The following SLC12A9 variants were observed in gnomAD, a reference collection of about 807,000 sequenced individuals.
SLC12A9 encodes the protein solute carrier family 12 member 9.
In SLC12A9, 55 loss-of-function variants were observed where a neutral mutation model predicts 66.0. The observed-to-expected ratio is 0.83, with a 90% CI of 0.67 to 1.04. The LOEUF (loss-of-function observed/expected upper bound fraction) is 1.04. SLC12A9 is among the 50% of genes least tolerant of loss of function. The pLI is 0.00. For missense variants in SLC12A9, 1,061 were observed against 1,241.9 expected (o/e 0.85, Z 2.19); for synonymous variants, 577 against 569.0 (o/e 1.01, Z -0.20).
exon 1 of SLC12A9, chr7:100,826,874 C>T: frequency 7.4e-7 from 1 of 1,351,078 alleles, no homozygotes; most frequent in Non-Finnish European, 1.0e-6. Context: ...ACTGCAGTGC[C>T]CGGGTAGGGG....
chr7:100,843,450 T>C (rs543339459), intron 1 of SLC12A9, among the ~76,000 whole-genome samples: 13 of 152,342 alleles, frequency 8.5e-5, no homozygotes, highest in Admixed American at 5.9e-4. Flanking sequence ...GAAAAACTCA[T>C]GTCGGCCCCA....
chr7:100,847,174 C>T (rs1813937041), intron 1 of SLC12A9, among the ~76,000 whole-genome samples: 1 of 152,190 alleles, frequency 6.6e-6, no homozygotes, highest in Non-Finnish European at 1.5e-5. Context: ...GTCTGCGGCT[C>T]GTCCTGCTAC....
chr7:100,852,000 T>A (rs1458477090), upstream of SLC12A9, among the ~76,000 whole-genome samples: 2 of 152,172 alleles, frequency 1.3e-5, no homozygotes, highest in Admixed American at 6.5e-5. Flanking sequence ...GGTTCGAGTT[T>A]ATGCCCATTT....
At chr7:100,835,466 A>G (rs1813634432) in intron 1 of SLC12A9, among the ~76,000 whole-genome samples, 1 of 151,672 alleles carries the variant, frequency 6.6e-6, no homozygotes, top group Admixed American at 6.6e-5. Flanking sequence ...CCTGGCCAAC[A>G]TGGTGAAACC....
At chr7:100,829,505 G>A (rs867988493) in intron 1 of SLC12A9, among the ~76,000 whole-genome samples, 5 of 151,768 alleles carry the variant, frequency 3.3e-5, no homozygotes, top group African/African-American at 9.7e-5. Context: ...TGGGTCCTGC[G>A]CCCGGGTTGG....
At position 100,861,867 on chromosome 7, in the gene SLC12A9, AGGG is replaced by A; in HGVS notation, c.1672_1674del (p.Gly558del). On this transcript the variant is annotated inframe_deletion, in exon 12 of 14. Transcript: ENST00000354161. The surrounding 1 kb of genome is among the most constrained non-coding windows in gnomAD (Gnocchi z 5.3). ...CTGCGGTTGGCCAACCAGCTTAAGA[AGGG>A]GGGGCTGTATGTGCTGGGCCACGTC... The A allele has an allele frequency of 6.2e-7, 1 of 1,613,132 alleles. No homozygotes were observed. The highest frequency in any genetic ancestry group is 8.5e-7 in the Non-Finnish European group (1 of 1,179,722).
chr7:100,857,062 G>T lies in SLC12A9; in HGVS notation c.643G>T (p.Gly215Trp), dbSNP rs775068338. Residue 215 changes from glycine to tryptophan, a missense_variant, in exon 5 of 14, where the codon GGG (glycine) becomes TGG (tryptophan). Coordinates refer to ENST00000354161, the MANE Select transcript of SLC12A9 (RefSeq NM_020246.4). ...TGTGCTCATCAGTTTTGTGGCTGTG[G>T]GGCCGAGGGACATCCGCTTGACTCC... ...ASVLISFVAV[G>W]PRDIRLTPRP... 5.0e-6 allele frequency: 8 copies of T among 1,614,232 alleles called. No homozygotes were observed. In the South Asian group the frequency reaches 7.7e-5, roughly 16 times the overall value.
intron 1 of SLC12A9, among the ~76,000 whole-genome samples, chr7:100,831,708 T>C (rs959429651): frequency 1.3e-5 from 2 of 152,136 alleles, no homozygotes; most frequent in African/African-American, 4.8e-5. Context: ...GCTTTTCCTA[T>C]TGTAAGAAAT....
upstream of SLC12A9, among the ~76,000 whole-genome samples, chr7:100,852,017 T>C (rs984008935): frequency 2.6e-5 from 4 of 152,126 alleles, no homozygotes; most frequent in Admixed American, 2.6e-4. Flanking sequence ...ATTTTACATA[T>C]GAGGACGCGT....
chr7:100,847,183 A>G (rs939948422), intron 1 of SLC12A9, among the ~76,000 whole-genome samples: 1 of 152,218 alleles, frequency 6.6e-6, no homozygotes, highest in Admixed American at 6.5e-5. Context: ...TCGTCCTGCT[A>G]CATTAATGGA....
intron 5 of SLC12A9, chr7:100,857,804 C>T (rs1336061558): frequency 6.6e-6 from 1 of 152,520 alleles, no homozygotes. Flanking sequence ...GCCAGACACT[C>T]GGGAAGCTGA....
intron 5 of SLC12A9, 130 bp downstream of exon 5, chr7:100,857,306 C>A: frequency 9.6e-7 from 1 of 1,043,482 alleles, no homozygotes; most frequent in Non-Finnish European, 1.4e-6. Flanking sequence ...GACTGCAGAG[C>A]AGTGCAATTT....
At chr7:100,856,233 A>G in intron 4 of SLC12A9, 1 of 169,362 alleles carries the variant, frequency 5.9e-6, no homozygotes, top group South Asian at 1.3e-4. Flanking sequence ...TTTGAGATGG[A>G]GTCTTGCTTT....
intron 12 of SLC12A9, 102 bp from the exon 13 acceptor site, chr7:100,862,579 C>T: frequency 7.2e-7 from 1 of 1,387,222 alleles, no homozygotes. Context: ...ATGACCCCTC[C>T]AAGTAGCCAT....
intron 4 of SLC12A9, 89 bp from the exon 5 acceptor site, chr7:100,856,779 T>G: frequency 7.5e-7 from 1 of 1,329,394 alleles, no homozygotes; most frequent in Non-Finnish European, 1.0e-6. Flanking sequence ...CCCAAAGTGC[T>G]GGAATTATAG....
rs1249228582 is a variant in SLC12A9 at position 100,866,064 on chromosome 7, G to A, written c.2204G>A (p.Arg735Gln). The A allele has an allele frequency of 1.9e-6, 3 of 1,612,794 alleles. No homozygotes were observed. The highest frequency in any genetic ancestry group is 2.2e-5 in the East Asian group (1 of 44,876). Reference sequence around the variant, plus strand: ...TGGCCCCTCAACCTGCTGCGGCCCCGGGGTGGGCCCGGCTATGTGGATGTC... The same window carrying A: ...TGGCCCCTCAACCTGCTGCGGCCCCAGGGTGGGCCCGGCTATGTGGATGTC... ...DVWPLNLLRP[R>Q]GGPGYVDVCG... Residue 735 changes from arginine (R) to glutamine (Q), a missense_variant, in exon 14 of 14, where the codon CGG becomes CAG. By Grantham distance (43) the Arg-to-Gln change is conservative. Coordinates refer to ENST00000354161, the MANE Select transcript of SLC12A9 (RefSeq NM_020246.4). The surrounding 1 kb of genome is among the most constrained non-coding windows in gnomAD (Gnocchi z 7.3).
At chr7:100,854,081 G>A in intron 1 of SLC12A9, 75 bp from the exon 2 acceptor site, 2 of 962,380 alleles carry the variant, frequency 2.1e-6, no homozygotes, top group East Asian at 2.8e-5. Context: ...AGGCTTCAGG[G>A]TGTTTGATTA....
intron 7 of SLC12A9, 103 bp from the exon 8 acceptor site, chr7:100,859,782 T>C: frequency 1.5e-6 from 2 of 1,374,650 alleles, no homozygotes; most frequent in Non-Finnish European, 2.0e-6. Context: ...GGCATATCCC[T>C]TTAGCACATT....
At chr7:100,864,514 G>T (rs1428571213) in intron 13 of SLC12A9, among the ~76,000 whole-genome samples, 1 of 136,174 alleles carries the variant, frequency 7.3e-6, no homozygotes, top group African/African-American at 2.7e-5. Context: ...CTTGGAAGAG[G>T]TCTCTGCGTC....
Sources: gnomAD v4.1 joint callset for allele counts (sites outside exome capture counted in the v4.1 genomes callset) on GRCh38, gnomAD v4.1.1 for gene constraint, Gnocchi (gnomAD v3.1) non-coding constraint, MANE v1.5 for transcripts, NCBI Gene and HGNC (gene_info 2026-07-23, HGNC 2026-07-21) for gene names.